Variants in RABGAP1L observed in about 807,000 individuals in gnomAD.
RABGAP1L encodes the protein rab GTPase-activating protein 1-like.
In RABGAP1L, 63 loss-of-function variants were observed where a neutral mutation model predicts 137.7. That is an observed-to-expected ratio of 0.46 (90% CI 0.37 to 0.56). The LOEUF is 0.56. RABGAP1L is among the 20% of genes least tolerant of loss of function. The probability of loss-of-function intolerance (pLI) is 0.00; values close to 1 mark genes in which losing one functional copy is unlikely to be tolerated. For synonymous variants in RABGAP1L, 431 were observed against 433.7 expected (o/e 0.99, Z 0.08); for missense variants, 1,095 against 1,244.0 (o/e 0.88, Z 1.80).
intron 1 of RABGAP1L, among the ~76,000 whole-genome samples, chr1:174,176,448 G>T (rs1665856973): frequency 6.6e-6 from 1 of 151,966 alleles, no homozygotes; most frequent in Non-Finnish European, 1.5e-5. Flanking sequence ...GGTGGCTCAC[G>T]CCTGTAATCC....
intron 20 of RABGAP1L, among the ~76,000 whole-genome samples, chr1:174,968,640 T>A (rs1669862875): frequency 6.6e-6 from 1 of 152,136 alleles, no homozygotes; most frequent in South Asian, 2.1e-4. Context: ...TGTTTTAATC[T>A]GAAATTTTTT....
At chr1:174,527,143 C>G (rs1348363854) in intron 13 of RABGAP1L, among the ~76,000 whole-genome samples, 1 of 149,288 alleles carries the variant, frequency 6.7e-6, no homozygotes, top group Non-Finnish European at 1.5e-5. Flanking sequence ...CAACATTCCT[C>G]TTGGTTAAAA....
chr1:174,628,985 G>C (rs1322213019), intron 13 of RABGAP1L, among the ~76,000 whole-genome samples: 1 of 152,170 alleles, frequency 6.6e-6, no homozygotes, highest in South Asian at 2.1e-4. Flanking sequence ...GAATTATTGA[G>C]CCTCTTTTTG....
intron 13 of RABGAP1L, among the ~76,000 whole-genome samples, chr1:174,519,609 C>T (rs1201453349): frequency 1.3e-5 from 2 of 152,118 alleles, no homozygotes; most frequent in Non-Finnish European, 2.9e-5. Flanking sequence ...CATGTTCACA[C>T]TCATTATTAA....
chr1:174,436,956 C>G (rs1558232960), intron 13 of RABGAP1L, among the ~76,000 whole-genome samples: 1 of 152,264 alleles, frequency 6.6e-6, no homozygotes. Context: ...CCCAGGCAAA[C>G]AGGGTCTGGA....
In RABGAP1L at chr1:174,448,343, T is replaced by C. The variant is rs779177909; in HGVS notation, c.1710+54198T>C. ...ACTGTTACATCATTATACTACCAGC[T>C]ATTTCATTCAGACGATGGCATATGC... On this transcript the variant is annotated intron_variant, in intron 13 of 25. Transcript: ENST00000681986. This position sits in a 1 kb window ranked among gnomAD's most constrained non-coding sequence, Gnocchi z 4.2. The C allele has an allele frequency of 3.1e-6, 5 of 1,613,896 alleles. No homozygotes were observed. The highest frequency in any genetic ancestry group is 4.2e-6 in the Non-Finnish European group (5 of 1,179,764).
At chr1:174,211,398 T>C (rs541708980) in intron 1 of RABGAP1L, among the ~76,000 whole-genome samples, 1 of 152,304 alleles carries the variant, frequency 6.6e-6, no homozygotes, top group South Asian at 2.1e-4. Flanking sequence ...TTTGCTTGCT[T>C]ATGCAAAGTG....
intron 13 of RABGAP1L, among the ~76,000 whole-genome samples, chr1:174,438,647 G>A (rs147653573): frequency 0.015 from 2,279 of 150,420 alleles, 60 homozygotes; most frequent in African/African-American, 0.053. Context: ...GAACCCAGGA[G>A]GCGGAGTTTG....
intron 19 of RABGAP1L, among the ~76,000 whole-genome samples, chr1:174,814,630 C>T (rs569617442): frequency 1.3e-5 from 2 of 152,000 alleles, no homozygotes; most frequent in South Asian, 2.1e-4. Context: ...CTTACATACA[C>T]ATAACTGAAG....
chr1:174,334,511 G>C (rs1219857737), intron 11 of RABGAP1L, among the ~76,000 whole-genome samples: 1 of 152,104 alleles, frequency 6.6e-6, no homozygotes, highest in Non-Finnish European at 1.5e-5. Flanking sequence ...ACATAATCTT[G>C]CTGTCTGAGT....
At chr1:174,652,571 C>T (rs1271305199) in intron 14 of RABGAP1L, among the ~76,000 whole-genome samples, 1 of 152,192 alleles carries the variant, frequency 6.6e-6, no homozygotes, top group Admixed American at 6.5e-5. Flanking sequence ...TACAGGTCTG[C>T]TGGAGTTTGC....
At chr1:174,458,123 A>G (rs1656249558) in intron 13 of RABGAP1L, among the ~76,000 whole-genome samples, 2 of 152,090 alleles carry the variant, frequency 1.3e-5, no homozygotes, top group South Asian at 2.1e-4. Context: ...TATATGGATA[A>G]CTATAGGGCA....
chr1:174,954,913 C>G (rs1668291423), intron 19 of RABGAP1L, among the ~76,000 whole-genome samples: 1 of 152,154 alleles, frequency 6.6e-6, no homozygotes, highest in South Asian at 2.1e-4. Context: ...ACTTCATCTT[C>G]AGAGTCTATT....
At chr1:174,367,598 G>T in intron 11 of RABGAP1L, 1 of 269,060 alleles carries the variant, frequency 3.7e-6, no homozygotes, top group Non-Finnish European at 7.3e-6. Context: ...AACTGCAACT[G>T]GTTTCCTATG....
At chr1:174,279,673 C>CTGTT (rs1234867899) in intron 10 of RABGAP1L, among the ~76,000 whole-genome samples, 4 of 151,990 alleles carry the variant, frequency 2.6e-5, no homozygotes, top group African/African-American at 4.8e-5. Flanking sequence ...ATTATTATGG[C>CTGTT]TGTTATTTGA....
intron 13 of RABGAP1L, among the ~76,000 whole-genome samples, chr1:174,634,895 AG>A (rs1673818300): frequency 1.2e-5 from 1 of 85,376 alleles, no homozygotes; most frequent in African/African-American, 4.2e-5. Flanking sequence ...GGGTGGGGGG[AG>A]GGGGGAGGGA....
chr1:174,490,770 G>A (rs377549664), intron 13 of RABGAP1L, among the ~76,000 whole-genome samples: 22 of 152,198 alleles, frequency 1.4e-4, no homozygotes, highest in African/African-American at 5.3e-4. Context: ...CTGTGCCTGA[G>A]CCTAAGCCAC....
intron 17 of RABGAP1L, among the ~76,000 whole-genome samples, chr1:174,732,952 C>T (rs942766069): frequency 5.3e-5 from 8 of 151,846 alleles, no homozygotes; most frequent in Non-Finnish European, 1.5e-5. Context: ...AACTGTGTGT[C>T]AGACACTTTT....
intron 14 of RABGAP1L, among the ~76,000 whole-genome samples, chr1:174,652,216 G>C (rs1454439338): frequency 6.6e-6 from 1 of 152,214 alleles, no homozygotes. Context: ...CTGTTAGTCT[G>C]TTGGGCTTCC....
Sources: gnomAD v4.1 joint callset for allele counts (sites outside exome capture counted in the v4.1 genomes callset) on GRCh38, gnomAD v4.1.1 for gene constraint, Gnocchi (gnomAD v3.1) non-coding constraint, MANE v1.5 for transcripts, NCBI Gene and HGNC (gene_info 2026-07-23, HGNC 2026-07-21) for gene names.